Variants in TNIK observed in about 807,000 individuals in gnomAD.
The protein encoded by TNIK is TRAF2 and NCK interacting kinase, also known as TRAF2 and NCK-interacting protein kinase.
Under a neutral mutation model 191.3 loss-of-function variants are expected in TNIK, and 49 were observed. The ratio of observed to expected loss-of-function variants is 0.26; its 90% confidence interval spans 0.20 to 0.32. The LOEUF (loss-of-function observed/expected upper bound fraction) is 0.32. TNIK is among the 10% of genes least tolerant of loss of function. The probability of loss-of-function intolerance (pLI) is 1.00; values close to 1 mark genes in which losing one functional copy is unlikely to be tolerated. For missense variants in TNIK, 1,155 were observed against 1,702.3 expected (o/e 0.68, Z 5.66); for synonymous variants, 594 against 600.9 (o/e 0.99, Z 0.17).
intron 2 of TNIK, among the ~76,000 whole-genome samples, chr3:171,344,361 C>G (rs966548317): frequency 6.6e-6 from 1 of 152,050 alleles, no homozygotes; most frequent in Non-Finnish European, 1.5e-5. Flanking sequence ...ATTGAACAAC[C>G]ACAAGAAAGT....
chr3:171,179,271 G>A (rs984980736), intron 7 of TNIK, among the ~76,000 whole-genome samples: 23 of 152,094 alleles, frequency 1.5e-4, no homozygotes, highest in African/African-American at 2.7e-4. Flanking sequence ...TTCATTAAAC[G>A]CAATCTGCAC....
intron 2 of TNIK, among the ~76,000 whole-genome samples, chr3:171,310,171 G>T: frequency 6.6e-6 from 1 of 151,704 alleles, no homozygotes; most frequent in South Asian, 2.1e-4. Flanking sequence ...TGCCTCTTTG[G>T]TAATACCTCC....
At chr3:171,132,187 A>G (rs1262718829) in intron 15 of TNIK, among the ~76,000 whole-genome samples, 3 of 152,254 alleles carry the variant, frequency 2.0e-5, no homozygotes, top group Non-Finnish European at 4.4e-5. Flanking sequence ...GTGCTAGACC[A>G]TAACAACAAA....
chr3:171,228,854 G>A (rs904557261), intron 2 of TNIK, among the ~76,000 whole-genome samples: 4 of 152,128 alleles, frequency 2.6e-5, no homozygotes, highest in East Asian at 3.8e-4. Flanking sequence ...AGTAGGGAGC[G>A]CCAAGGGGGC....
At chr3:171,398,381 A>T (rs1183623155) in intron 1 of TNIK, among the ~76,000 whole-genome samples, 3 of 152,248 alleles carry the variant, frequency 2.0e-5, no homozygotes, top group Non-Finnish European at 1.5e-5. Flanking sequence ...AATTGTTGGG[A>T]TAGCGTAAAA....
At chr3:171,334,630 TTAAC>T (rs768701318) in intron 2 of TNIK, among the ~76,000 whole-genome samples, 15 of 152,140 alleles carry the variant, frequency 9.9e-5, no homozygotes, top group Non-Finnish European at 1.6e-4. Context: ...CTTTTAAAGA[TTAAC>T]TAACCTCAGG....
chr3:171,167,806 T>C (rs1181388816), intron 9 of TNIK, among the ~76,000 whole-genome samples: 1 of 152,096 alleles, frequency 6.6e-6, no homozygotes, highest in Non-Finnish European at 1.5e-5. Flanking sequence ...TAACAGGGAG[T>C]GCATTTCGTA....
intron 3 of TNIK, among the ~76,000 whole-genome samples, 148 bp downstream of exon 3, chr3:171,228,012 GGCTAA>G (rs1448994318): frequency 6.6e-6 from 1 of 152,152 alleles, no homozygotes; most frequent in African/African-American, 2.4e-5. Context: ...AGGTAGGCTA[GGCTAA>G]GCTATGATGT....
chr3:171,266,563 G>C (rs1478245069), intron 2 of TNIK, among the ~76,000 whole-genome samples: 1 of 152,158 alleles, frequency 6.6e-6, no homozygotes, highest in African/African-American at 2.4e-5. Context: ...AGGGTCTTCA[G>C]ACCTCATTAT....
chr3:171,201,799 ACTAT>A (rs201028493), intron 4 of TNIK, among the ~76,000 whole-genome samples: 4 of 151,734 alleles, frequency 2.6e-5, no homozygotes, highest in Admixed American at 2.0e-4. Flanking sequence ...ACTAGCATGT[ACTAT>A]CTATCTATCT....
At chr3:171,265,800 T>C (rs1015514274) in intron 2 of TNIK, among the ~76,000 whole-genome samples, 1 of 152,180 alleles carries the variant, frequency 6.6e-6, no homozygotes, top group African/African-American at 2.4e-5. Context: ...AGTGGTTGAG[T>C]CCTAAGGAGG....
chr3:171,079,747 G>C, intron 27 of TNIK, 95 bp from the exon 28 acceptor site: 4 of 1,011,980 alleles, frequency 4.0e-6, no homozygotes, highest in Non-Finnish European at 5.2e-6. Context: ...TTTTATTTAC[G>C]TGTGTGTGTG....
chr3:171,379,271 T>C (rs1717690471), intron 1 of TNIK, among the ~76,000 whole-genome samples: 1 of 152,244 alleles, frequency 6.6e-6, no homozygotes, highest in South Asian at 2.1e-4. Context: ...CAAATAATTC[T>C]ACATAAATTG....
chr3:171,410,510 TG>T (rs1385769384), intron 1 of TNIK, among the ~76,000 whole-genome samples: 2 of 152,040 alleles, frequency 1.3e-5, no homozygotes, highest in African/African-American at 4.8e-5. Context: ...CTGGGCGCAT[TG>T]GCTCACGCCT....
At chr3:171,356,254 T>C (rs1339420896) in intron 2 of TNIK, among the ~76,000 whole-genome samples, 3 of 152,164 alleles carry the variant, frequency 2.0e-5, no homozygotes, top group African/African-American at 7.2e-5. Flanking sequence ...TTCTTCCTCC[T>C]TTCTGAGAAA....
chr3:171,219,981 T>C (rs1246287859), intron 3 of TNIK, among the ~76,000 whole-genome samples: 5 of 152,132 alleles, frequency 3.3e-5, no homozygotes, highest in Admixed American at 3.3e-4. Context: ...AGCAAAGACT[T>C]GGAGCCAACC....
chr3:171,457,531 G>T (rs1175763165), intron 1 of TNIK, among the ~76,000 whole-genome samples: 1 of 152,166 alleles, frequency 6.6e-6, no homozygotes, highest in African/African-American at 2.4e-5. Flanking sequence ...TTTACCAAGG[G>T]CTTAGGAACA....
intron 12 of TNIK, among the ~76,000 whole-genome samples, chr3:171,143,392 C>T (rs1731115291): frequency 6.6e-6 from 1 of 152,204 alleles, no homozygotes; most frequent in Non-Finnish European, 1.5e-5. Flanking sequence ...GCTCTGATGA[C>T]TCTTGCTAGA....
In TNIK at chr3:171,317,235, A is replaced by T. The variant is rs1754733848; in HGVS notation, c.123+52385T>A. Among the ~76,000 whole-genome samples, 6 of 152,064 alleles carry T rather than the reference A, an allele frequency of 3.9e-5. No individual in the cohort carries two copies. In the South Asian group the frequency reaches 1.2e-3, roughly 31 times the overall value. Reference sequence around the variant, plus strand: ...CAGGTTCTTTGGTTTAGGTTTGAGCATGGGAAGTCCACAGACCAAGTATAT... The same window carrying T: ...CAGGTTCTTTGGTTTAGGTTTGAGCTTGGGAAGTCCACAGACCAAGTATAT... On this transcript the variant is annotated intron_variant, in intron 2 of 32. Transcript: ENST00000436636.
Sources: allele counts gnomAD v4.1 joint callset (sites outside exome capture counted in the v4.1 genomes callset), GRCh38; gene constraint gnomAD v4.1.1; transcripts MANE v1.5; gene names NCBI Gene and HGNC (gene_info 2026-07-23, HGNC 2026-07-21).